GABRB1: variants seen among roughly 807,000 people sequenced by gnomAD.
The protein encoded by GABRB1 is gamma-aminobutyric acid receptor subunit beta-1.
Under a neutral mutation model 51.6 loss-of-function variants are expected in GABRB1, and 17 were observed. That is an observed-to-expected ratio of 0.33 (90% CI 0.23 to 0.49). GABRB1 has a LOEUF of 0.49. Among genes scored for constraint, GABRB1 ranks in the 20% least tolerant of loss-of-function variants. The probability of loss-of-function intolerance (pLI) is 0.99; values close to 1 mark genes in which losing one functional copy is unlikely to be tolerated. For missense variants in GABRB1, 410 were observed against 600.6 expected, an observed-to-expected ratio of 0.68 and a Z score of 3.32; for synonymous variants, 247 against 218.9, an observed-to-expected ratio of 1.13 and a Z score of -1.14.
chr4:47,131,236 T>C (rs996418801), intron 3 of GABRB1, among the ~76,000 whole-genome samples: 2 of 152,116 alleles, frequency 1.3e-5, no homozygotes, highest in Admixed American at 1.3e-4. Context: ...CTCGGTTCAC[T>C]GCAACCTCTG....
intron 5 of GABRB1, among the ~76,000 whole-genome samples, chr4:47,394,625 T>C (rs1169432467): frequency 6.6e-6 from 1 of 152,220 alleles, no homozygotes; most frequent in East Asian, 1.9e-4. Context: ...TTAAAGGATT[T>C]TTAAAAACTA....
upstream of GABRB1, chr4:47,031,505 T>C (rs1394546264): frequency 1.5e-6 from 1 of 663,006 alleles, no homozygotes. Flanking sequence ...CCACTAGGAA[T>C]ATTGTTTGCA....
chr4:47,188,484 T>A (rs1487410537), intron 4 of GABRB1, among the ~76,000 whole-genome samples: 1 of 151,968 alleles, frequency 6.6e-6, no homozygotes, highest in African/African-American at 2.4e-5. Context: ...AGGTAAATAA[T>A]GTTGTGTTTG....
At chr4:47,108,719 G>A (rs995664111) in intron 3 of GABRB1, among the ~76,000 whole-genome samples, 1 of 152,004 alleles carries the variant, frequency 6.6e-6, no homozygotes, top group African/African-American at 2.4e-5. Flanking sequence ...AGTTTTTACT[G>A]TAAAAAGTAA....
intron 3 of GABRB1, among the ~76,000 whole-genome samples, chr4:47,034,455 G>A (rs1462155613): frequency 6.6e-6 from 1 of 152,116 alleles, no homozygotes; most frequent in Non-Finnish European, 1.5e-5. Flanking sequence ...ACAGCAACAC[G>A]TGTGTATGCA....
At chr4:47,338,423 T>G (rs1725773538) in intron 5 of GABRB1, among the ~76,000 whole-genome samples, 1 of 152,178 alleles carries the variant, frequency 6.6e-6, no homozygotes. Flanking sequence ...TTCTCAAGCG[T>G]TTTAGACTAT....
At chr4:47,326,257 T>C (rs117116446) in intron 5 of GABRB1, among the ~76,000 whole-genome samples, 1 of 152,174 alleles carries the variant, frequency 6.6e-6, no homozygotes, top group Non-Finnish European at 1.5e-5. Flanking sequence ...CCCTTTGATA[T>C]ATCTTCAGAA....
Position 47,403,689 on chromosome 4 carries a change from A to G in GABRB1, c.813A>G (p.Ala271=), listed in dbSNP as rs1222208376. The G allele has an allele frequency of 1.9e-6, 3 of 1,613,284 alleles. No homozygotes were observed. The highest frequency in any genetic ancestry group is 2.5e-6 in the Non-Finnish European group (3 of 1,179,890). The change falls in exon 7 of 9, where the codon GCA becomes GCG. Residue 271 remains alanine (A), a synonymous_variant. Transcript: ENST00000295454. The part of the protein sequence containing the change: ...SWVSFWINYD[A]SAARVALGIT... ...TGTCTTTTTGGATCAACTATGATGC[A>G]TCTGCAGCCAGAGTCGCACTAGGTA...
At chr4:47,277,981 A>G (rs2109902772) in intron 4 of GABRB1, among the ~76,000 whole-genome samples, 1 of 152,230 alleles carries the variant, frequency 6.6e-6, no homozygotes, top group East Asian at 1.9e-4. Flanking sequence ...ACTTGACTGC[A>G]AAAGGGATCT....
rs1008885732 is a variant in GABRB1, at chr4:47,025,011, T to C, written c.-19-6903T>C. 4.1e-5 allele frequency among the ~76,000 whole-genome samples: 6 copies of C among 146,234 alleles called. No individual in the cohort carries two copies. In the Admixed American group the frequency reaches 4.2e-4, roughly 10 times the overall value. On this transcript the variant is annotated intron_variant, in intron 1 of 3. Transcript: ENST00000513567. ...ATCTTCTACTGTGCCATTCAACCCA[T>C]TTGTGGAATTTCATTTTAAAATTTA...
chr4:47,225,054 C>T (rs749638153), intron 4 of GABRB1, among the ~76,000 whole-genome samples: 3 of 152,026 alleles, frequency 2.0e-5, no homozygotes, highest in Non-Finnish European at 2.9e-5. Context: ...ACCACCATAC[C>T]GGGCTAATTT....
intron 5 of GABRB1, among the ~76,000 whole-genome samples, chr4:47,381,955 C>G (rs559171464): frequency 7.1e-4 from 108 of 152,322 alleles, no homozygotes; most frequent in African/African-American, 2.4e-3. Context: ...TATCCTCCCC[C>G]CTCCAAGTAG....
At chr4:47,086,023 G>A (rs181439546) in intron 3 of GABRB1, among the ~76,000 whole-genome samples, 3 of 152,358 alleles carry the variant, frequency 2.0e-5, no homozygotes, top group African/African-American at 7.2e-5. Context: ...AAAAGGCACA[G>A]AGTGATTTAT....
chr4:47,141,599 A>G (rs984155312), intron 3 of GABRB1, among the ~76,000 whole-genome samples: 8 of 151,846 alleles, frequency 5.3e-5, no homozygotes, highest in Non-Finnish European at 8.8e-5. Flanking sequence ...TCATTCACAT[A>G]CCTGTATTAT....
At chr4:47,390,316 A>G (rs1358893755) in intron 5 of GABRB1, among the ~76,000 whole-genome samples, 1 of 152,268 alleles carries the variant, frequency 6.6e-6, no homozygotes, top group African/African-American at 2.4e-5. Flanking sequence ...ACAACAGGAC[A>G]TAAACTTATT....
At chr4:47,322,262 A>T (rs1725112984) in intron 5 of GABRB1, among the ~76,000 whole-genome samples, 1 of 152,194 alleles carries the variant, frequency 6.6e-6, no homozygotes, top group South Asian at 2.1e-4. Context: ...CTAGACATAT[A>T]GATGAACACA....
At chr4:47,040,107 C>T (rs1293586869) in intron 3 of GABRB1, among the ~76,000 whole-genome samples, 3 of 152,064 alleles carry the variant, frequency 2.0e-5, no homozygotes, top group Non-Finnish European at 4.4e-5. Flanking sequence ...TGTATGTGTC[C>T]TCCACTTTCA....
intron 4 of GABRB1, among the ~76,000 whole-genome samples, chr4:47,260,347 G>A (rs1270708080): frequency 6.6e-6 from 1 of 152,114 alleles, no homozygotes; most frequent in Non-Finnish European, 1.5e-5. Context: ...ATATTGTTGT[G>A]TGTGAATTTG....
intron 4 of GABRB1, among the ~76,000 whole-genome samples, chr4:47,253,401 G>A (rs562861652): frequency 3.6e-4 from 55 of 152,148 alleles, no homozygotes; most frequent in African/African-American, 1.2e-4. Flanking sequence ...AAACTAGGAC[G>A]GCAACTTGGA....
Sources: allele counts gnomAD v4.1 joint callset (sites outside exome capture counted in the v4.1 genomes callset), GRCh38; gene constraint gnomAD v4.1.1; transcripts MANE v1.5; gene names NCBI Gene and HGNC (gene_info 2026-07-23, HGNC 2026-07-21).